Variants in SORCS1 observed in about 807,000 individuals in gnomAD.
SORCS1 encodes the protein VPS10 domain-containing receptor SorCS1.
In SORCS1, 60 loss-of-function variants were observed where a neutral mutation model predicts 146.1. That is an observed-to-expected ratio of 0.41 (90% CI 0.33 to 0.51). The LOEUF is 0.51. Among genes scored for constraint, SORCS1 ranks in the 20% least tolerant of loss-of-function variants. SORCS1 has a pLI of 0.21. For synonymous variants in SORCS1, 637 were observed against 584.0 expected, an observed-to-expected ratio of 1.09 and a Z score of -1.31; for missense variants, 1,352 against 1,487.6, an observed-to-expected ratio of 0.91 and a Z score of 1.50.
intron 1 of SORCS1, among the ~76,000 whole-genome samples, chr10:107,015,284 C>T (rs958789970): frequency 2.6e-5 from 4 of 152,126 alleles, no homozygotes; most frequent in Admixed American, 6.6e-5. Flanking sequence ...AATAGATGGG[C>T]CTTACTCAGT....
rs114346773 is a variant in SORCS1, at chr10:107,022,832, G to A, written c.559-66252C>T. Among the ~76,000 whole-genome samples the A allele has an allele frequency of 4.2e-3, 636 of 152,270 alleles. 5 individuals carry two copies. Among genetic ancestry groups the A allele is most frequent in the African/African-American group, 0.015 (605 of 41,538 alleles). Reference sequence around the variant, plus strand: ...ATTGCTTGTTAAAATGTGGATTTCTGGGTCTTACCTCCAAGATTCTGATTC... The same window carrying A: ...ATTGCTTGTTAAAATGTGGATTTCTAGGTCTTACCTCCAAGATTCTGATTC... On this transcript the variant is annotated intron_variant, in intron 1 of 25. Transcript: ENST00000263054.
At chr10:106,929,134 G>A (rs1953255349) in intron 2 of SORCS1, among the ~76,000 whole-genome samples, 1 of 152,086 alleles carries the variant, frequency 6.6e-6, no homozygotes, top group African/African-American at 2.4e-5. Context: ...CAGTAGTTAA[G>A]AACTGCTTCA....
chr10:106,664,227 G>A (rs941738123), intron 17 of SORCS1, among the ~76,000 whole-genome samples: 3 of 152,160 alleles, frequency 2.0e-5, no homozygotes, highest in African/African-American at 7.2e-5. Context: ...GATGCTTATT[G>A]CTAAGTCACA....
intron 1 of SORCS1, among the ~76,000 whole-genome samples, chr10:106,970,905 ATTTTTTT>A (rs34657393): frequency 7.3e-5 from 7 of 96,488 alleles, no homozygotes; most frequent in Non-Finnish European, 1.2e-4. Flanking sequence ...TGCACAGCTA[ATTTTTTT>A]TTTTTTTTTT....
In SORCS1 at chr10:106,573,988, C is replaced by CA. The variant is rs1329206859; in HGVS notation, c.*3431dup. 1 of 149,064 alleles carries CA rather than the reference C, an allele frequency of 6.7e-6. No homozygotes were observed. Among genetic ancestry groups the CA allele is most frequent in the Non-Finnish European group, 1.5e-5 (1 of 67,168 alleles). The allele number at this position is 149,064 out of a possible 1,614,324, so 9.2% of individuals were successfully genotyped here. A position where few individuals can be genotyped will look rare whatever the true frequency, so the allele number is the denominator to read the frequency against. ...ATACATTACACTACATAGTATTTAA[C>CA]AAAAAATACATCAAAAAAGTCATTT... On this transcript the variant is annotated 3_prime_UTR_variant, in exon 26 of 26. Coordinates refer to ENST00000263054, the MANE Select transcript of SORCS1 (RefSeq NM_052918.5).
intron 1 of SORCS1, among the ~76,000 whole-genome samples, chr10:107,163,502 T>G (rs1353463980): frequency 6.6e-6 from 1 of 152,150 alleles, no homozygotes; most frequent in African/African-American, 2.4e-5. Flanking sequence ...GAGCTCCGCA[T>G]GAAATTAAAA....
intron 1 of SORCS1, among the ~76,000 whole-genome samples, chr10:107,097,859 A>G (rs564418948): frequency 1.2e-4 from 19 of 152,296 alleles, no homozygotes; most frequent in African/African-American, 4.6e-4. Flanking sequence ...TGAGTGTGCC[A>G]TCTCTTTTCT....
At chr10:106,808,032 A>G (rs1947272978) in intron 3 of SORCS1, among the ~76,000 whole-genome samples, 1 of 151,902 alleles carries the variant, frequency 6.6e-6, no homozygotes, top group Admixed American at 6.6e-5. Flanking sequence ...ATTTATTTTT[A>G]TTTTTTTGAT....
chr10:106,703,142 T>C (rs761411764), intron 8 of SORCS1, among the ~76,000 whole-genome samples: 10 of 150,382 alleles, frequency 6.6e-5, no homozygotes, highest in Non-Finnish European at 1.2e-4. Context: ...GTAACACATA[T>C]GAGAAAATAT....
At chr10:106,877,990 T>C (rs1327185174) in intron 2 of SORCS1, among the ~76,000 whole-genome samples, 1 of 152,162 alleles carries the variant, frequency 6.6e-6, no homozygotes, top group Non-Finnish European at 1.5e-5. Flanking sequence ...TACCCGATAC[T>C]ATCTCTCTAA....
At chr10:106,582,655 T>A (rs1009467495) in intron 24 of SORCS1, among the ~76,000 whole-genome samples, 1 of 152,196 alleles carries the variant, frequency 6.6e-6, no homozygotes, top group African/African-American at 2.4e-5. Context: ...CAGTTGCAGC[T>A]TAAACAAGGT....
intron 3 of SORCS1, among the ~76,000 whole-genome samples, chr10:106,813,674 C>T (rs1299841543): frequency 1.3e-5 from 2 of 152,220 alleles, no homozygotes; most frequent in Admixed American, 6.5e-5. Flanking sequence ...TGGGCTCACG[C>T]CTGCAATCCC....
intron 2 of SORCS1, among the ~76,000 whole-genome samples, chr10:106,863,594 T>A (rs1249996296): frequency 6.6e-6 from 1 of 151,780 alleles, no homozygotes; most frequent in African/African-American, 2.4e-5. Context: ...ATGATTTTTT[T>A]TTTTTTTTGC....
intron 2 of SORCS1, among the ~76,000 whole-genome samples, chr10:106,856,662 G>A (rs777499321): frequency 6.6e-6 from 1 of 152,154 alleles, no homozygotes; most frequent in Admixed American, 6.5e-5. Flanking sequence ...GTGGGGAGCT[G>A]GTAAAGCTCC....
chr10:106,879,147 C>CA (rs34140161), intron 2 of SORCS1, among the ~76,000 whole-genome samples: 16,998 of 135,924 alleles, frequency 0.13, 2,489 homozygotes, highest in African/African-American at 0.35. Context: ...GAGACTCCAT[C>CA]AAAAAAAAAA....
chr10:107,133,048 A>G (rs1966984478), intron 1 of SORCS1, among the ~76,000 whole-genome samples: 1 of 152,216 alleles, frequency 6.6e-6, no homozygotes, highest in South Asian at 2.1e-4. Flanking sequence ...TAAACTAGAC[A>G]GGAGAAAAGA....
At chr10:106,758,776 T>C (rs1172263797) in intron 5 of SORCS1, among the ~76,000 whole-genome samples, 1 of 152,162 alleles carries the variant, frequency 6.6e-6, no homozygotes, top group Non-Finnish European at 1.5e-5. Context: ...AGAAGGAAGA[T>C]TCAGTAAGAG....
In SORCS1 at chr10:106,579,761, T is replaced by C. The variant is rs115587046; in HGVS notation, c.3266-287A>G. 7.7e-3 allele frequency among the ~76,000 whole-genome samples: 1,174 copies of C among 152,146 alleles called. 15 individuals are homozygous for C. The highest frequency in any genetic ancestry group is 0.027 in the African/African-American group (1,114 of 41,516). On this transcript the variant is annotated intron_variant, in intron 24 of 25. Coordinates refer to ENST00000263054, the MANE Select transcript of SORCS1 (RefSeq NM_052918.5). ...AACTAGCTATGTGGTCTTGGGCAAT[T>C]TGCTTCACCTTAATGTACCTTATGT...
At chr10:107,026,672 G>C (rs989860007) in intron 1 of SORCS1, among the ~76,000 whole-genome samples, 2 of 151,958 alleles carry the variant, frequency 1.3e-5, no homozygotes, top group Non-Finnish European at 2.9e-5. Flanking sequence ...CAGAGAAAGA[G>C]AGAAGAAAAA....
Sources: allele counts gnomAD v4.1 joint callset (sites outside exome capture counted in the v4.1 genomes callset), GRCh38; gene constraint gnomAD v4.1.1; transcripts MANE v1.5; gene names NCBI Gene and HGNC (gene_info 2026-07-23, HGNC 2026-07-21).